Variants in ATP2B2 observed in about 807,000 individuals in gnomAD.
The protein encoded by ATP2B2 is plasma membrane calcium-transporting ATPase 2.
Under a neutral mutation model 120.0 loss-of-function variants are expected in ATP2B2, and 15 were observed. The ratio of observed to expected loss-of-function variants is 0.12; its 90% CI spans 0.08 to 0.19. The LOEUF (loss-of-function observed/expected upper bound fraction) is 0.19, where lower values mean the gene tolerates loss of function less well. ATP2B2 is among the 10% of genes least tolerant of loss of function. ATP2B2 has a pLI of 1.00. For missense variants in ATP2B2, 1,045 were observed against 1,719.8 expected (o/e 0.61, Z 6.94); for synonymous variants, 694 against 700.3 (o/e 0.99, Z 0.14).
chr3:10,423,118 C>A (rs2063040811), intron 2 of ATP2B2, among the ~76,000 whole-genome samples: 1 of 152,082 alleles, frequency 6.6e-6, no homozygotes, highest in Admixed American at 6.5e-5. Context: ...TATAGGATAC[C>A]CAGAGAAATC....
At chr3:10,411,880 G>A (rs73814218) in intron 2 of ATP2B2, among the ~76,000 whole-genome samples, 6,129 of 152,256 alleles carry the variant, frequency 0.04, 400 homozygotes, top group African/African-American at 0.14. Flanking sequence ...TCATCATGTG[G>A]GGACCGGACA....
At chr3:10,607,497 C>T (rs1575551222) in intron 2 of ATP2B2, among the ~76,000 whole-genome samples, 1 of 152,202 alleles carries the variant, frequency 6.6e-6, no homozygotes, top group Non-Finnish European at 1.5e-5. Context: ...TTAGCCATCC[C>T]CCAGGTATCC....
chr3:10,448,893 C>A (rs73811903), intron 2 of ATP2B2, among the ~76,000 whole-genome samples: 1 of 152,206 alleles, frequency 6.6e-6, no homozygotes. Context: ...ACCGGGCCTG[C>A]ATGGTTGGAA....
intron 2 of ATP2B2, among the ~76,000 whole-genome samples, chr3:10,606,926 GAGAGAGAGAGAGGGAGAGGGAGAGGGGGA>G (rs770164757): frequency 0.11 from 8,322 of 73,198 alleles, 367 homozygotes; most frequent in Non-Finnish European, 0.13. Context: ...GAGAGAGAGA[GAGAGAGAGAGAGGGAGAGGGAGAGGGGGA>G]GGGGGGGAGA....
intron 2 of ATP2B2, among the ~76,000 whole-genome samples, chr3:10,535,173 G>C (rs1036335711): frequency 1.3e-5 from 2 of 152,000 alleles, no homozygotes; most frequent in African/African-American, 4.8e-5. Context: ...CAAAGTGCTA[G>C]GATTACAGGC....
At chr3:10,463,218 G>A (rs1439097163) in intron 1 of ATP2B2, among the ~76,000 whole-genome samples, 1 of 152,026 alleles carries the variant, frequency 6.6e-6, no homozygotes, top group African/African-American at 2.4e-5. Context: ...CTTGGGGTGG[G>A]TTTTGCCAGC....
At chr3:10,524,742 T>C (rs969861957) in intron 3 of ATP2B2, among the ~76,000 whole-genome samples, 4 of 152,082 alleles carry the variant, frequency 2.6e-5, no homozygotes, top group African/African-American at 4.8e-5. Flanking sequence ...GGCAAGGACA[T>C]TGAGACACAG....
chr3:10,631,686 A>G (rs1244154636), intron 1 of ATP2B2, among the ~76,000 whole-genome samples: 1 of 152,232 alleles, frequency 6.6e-6, no homozygotes, highest in Non-Finnish European at 1.5e-5. Context: ...CCTGGAAGAC[A>G]GACTTGGGTT....
At chr3:10,568,300 C>T (rs1017875360) in intron 2 of ATP2B2, among the ~76,000 whole-genome samples, 2 of 152,188 alleles carry the variant, frequency 1.3e-5, no homozygotes, top group African/African-American at 4.8e-5. Flanking sequence ...CATCCAGTGC[C>T]ATATTCTCCA....
rs569001272 is a variant in ATP2B2 at position 10,434,159 on chromosome 3, T to C, written c.199+15186A>G. Among the ~76,000 whole-genome samples, 15 of 152,384 alleles carry C rather than the reference T, an allele frequency of 9.8e-5. No homozygotes were observed. The East Asian group carries it at 2.7e-3, about 27-fold the overall frequency. On this transcript the variant is annotated intron_variant, in intron 2 of 22. Transcript: ENST00000360273. ...AGAATAGTAAGAAGCAGAACATCTA[T>C]ACTCTCAGGGCACAACTTAAACATG... is the stretch of plus-strand genomic sequence containing the variant.
chr3:10,442,309 C>T (rs746488620), intron 2 of ATP2B2, among the ~76,000 whole-genome samples: 14 of 152,104 alleles, frequency 9.2e-5, no homozygotes, highest in Admixed American at 7.9e-4. Flanking sequence ...GCATCGCTCA[C>T]GGGACATGAA....
chr3:10,419,236 C>T (rs1213913425), intron 2 of ATP2B2, among the ~76,000 whole-genome samples: 1 of 152,222 alleles, frequency 6.6e-6, no homozygotes, highest in Non-Finnish European at 1.5e-5. Context: ...TGGCCACGTG[C>T]CCCCTGTAAG....
intron 12 of ATP2B2, among the ~76,000 whole-genome samples, chr3:10,362,081 G>A (rs2060916163): frequency 6.6e-6 from 1 of 152,228 alleles, no homozygotes; most frequent in South Asian, 2.1e-4. Context: ...GCTGGCTTCA[G>A]GGGTGCTGAA....
chr3:10,680,361 T>G (rs1575617436), intron 1 of ATP2B2, among the ~76,000 whole-genome samples: 1 of 151,680 alleles, frequency 6.6e-6, no homozygotes, highest in South Asian at 2.1e-4. Context: ...CCTATGGAGG[T>G]TGTCACAGAC....
intron 2 of ATP2B2, among the ~76,000 whole-genome samples, chr3:10,608,295 G>T (rs1445115097): frequency 2.6e-5 from 4 of 152,254 alleles, no homozygotes; most frequent in Non-Finnish European, 5.9e-5. Flanking sequence ...ATGGTGGCTT[G>T]TGCCTGTAGT....
chr3:10,700,058 T>C (rs1026791138), intron 1 of ATP2B2, among the ~76,000 whole-genome samples: 1 of 152,156 alleles, frequency 6.6e-6, no homozygotes, highest in Non-Finnish European at 1.5e-5. Flanking sequence ...ACATATATAG[T>C]TCCAGCTAAA....
chr3:10,392,966 C>G (rs1034119448), intron 5 of ATP2B2, among the ~76,000 whole-genome samples: 2 of 152,150 alleles, frequency 1.3e-5, no homozygotes, highest in Non-Finnish European at 2.9e-5. Context: ...GGCAGAGGCC[C>G]GTGTGGACAG....
intron 2 of ATP2B2, among the ~76,000 whole-genome samples, chr3:10,596,826 A>C (rs1575538387): frequency 6.6e-6 from 1 of 152,366 alleles, no homozygotes; most frequent in East Asian, 1.9e-4. Context: ...ACACACAGTC[A>C]AGAAAATCTT....
chr3:10,525,311 G>A (rs938739103), intron 3 of ATP2B2, among the ~76,000 whole-genome samples: 4 of 152,292 alleles, frequency 2.6e-5, no homozygotes, highest in Non-Finnish European at 4.4e-5. Flanking sequence ...TGAGTAAGAG[G>A]CTTTGCTCTT....
Sources: gnomAD v4.1 joint callset for allele counts (sites outside exome capture counted in the v4.1 genomes callset) on GRCh38, gnomAD v4.1.1 for gene constraint, MANE v1.5 for transcripts, NCBI Gene and HGNC (gene_info 2026-07-23, HGNC 2026-07-21) for gene names.